The following PRH1 variants were observed in gnomAD, a reference collection of about 807,000 sequenced individuals.
The protein encoded by PRH1 is salivary acidic proline-rich phosphoprotein 1/2.
A neutral mutation model predicts 7.9 loss-of-function variants in PRH1; 7 were observed. The observed-to-expected ratio is 0.89, with a 90% CI of 0.50 to 1.67. The LOEUF (loss-of-function observed/expected upper bound fraction) is 1.67, where lower values mean the gene tolerates loss of function less well. PRH1 is among the 40% of genes most tolerant of loss of function. The pLI, the probability that PRH1 is intolerant of heterozygous loss-of-function variation, is 0.00. For synonymous variants in PRH1, 45 were observed against 80.8 expected (o/e 0.56, Z 2.38); for missense variants, 109 against 223.6 (o/e 0.49, Z 3.27).
At chr12:10,958,106 G>T (rs1186315478) in intron 2 of PRH1, among the ~76,000 whole-genome samples, 1 of 152,124 alleles carries the variant, frequency 6.6e-6, no homozygotes, top group South Asian at 2.1e-4. Context: ...AAAGACACAT[G>T]CATGAAAATA....
intron 1 of PRH1, among the ~76,000 whole-genome samples, chr12:11,035,346 CTATT>C (rs1436396632): frequency 6.6e-6 from 1 of 152,200 alleles, no homozygotes; most frequent in Non-Finnish European, 1.5e-5. Flanking sequence ...TATTTTCTAT[CTATT>C]CGTCTCTTTA....
At chr12:11,021,397 T>C (rs549148712) in intron 1 of PRH1, among the ~76,000 whole-genome samples, 1 of 152,336 alleles carries the variant, frequency 6.6e-6, no homozygotes. Flanking sequence ...TACTATACAA[T>C]GAACTATAAT....
intron 1 of PRH1, among the ~76,000 whole-genome samples, chr12:11,086,039 C>G (rs1472340527): frequency 1.4e-5 from 2 of 138,114 alleles, no homozygotes; most frequent in African/African-American, 5.2e-5. Context: ...TCCTTAAAAT[C>G]TGGTTGCTGT....
intron 2 of PRH1, among the ~76,000 whole-genome samples, chr12:10,971,926 T>C (rs1035240810): frequency 5.3e-5 from 8 of 152,326 alleles, no homozygotes; most frequent in Non-Finnish European, 7.4e-5. Flanking sequence ...CACTTATTCG[T>C]ATTCTATTAT....
intron 1 of PRH1, among the ~76,000 whole-genome samples, chr12:11,088,057 C>A (rs1216400778): frequency 7.8e-6 from 1 of 127,562 alleles, no homozygotes; most frequent in African/African-American, 2.7e-5. Flanking sequence ...AATAATATTA[C>A]AGACCAGGCC....
chr12:10,922,825 C>CTTTTCTTTTTTTTTTT (rs1555107576), intron 2 of PRH1, among the ~76,000 whole-genome samples: 2 of 113,550 alleles, frequency 1.8e-5, no homozygotes, highest in Admixed American at 1.1e-4. Flanking sequence ...TGAATTTTTT[C>CTTTTCTTTTTTTTTTT]TTTTTCTTTT....
chr12:11,107,660 C>A (rs968879885), intron 1 of PRH1, among the ~76,000 whole-genome samples: 1 of 152,154 alleles, frequency 6.6e-6, no homozygotes, highest in South Asian at 2.1e-4. Flanking sequence ...CAAAGCTGCA[C>A]GAATCAGGAT....
At chr12:10,908,095 ATTAACAT>A (rs1177780198) in intron 2 of PRH1, 1 of 317,372 alleles carries the variant, frequency 3.2e-6, no homozygotes, top group Non-Finnish European at 5.7e-6. Flanking sequence ...TAGATTTACA[ATTAACAT>A]CTAAGTATGC....
At chr12:10,904,238 GA>G (rs1389449948) in intron 2 of PRH1, among the ~76,000 whole-genome samples, 1 of 150,560 alleles carries the variant, frequency 6.6e-6, no homozygotes, top group African/African-American at 2.4e-5. Flanking sequence ...TAAGCAAAAA[GA>G]AAAAAGCCAG....
chr12:11,136,809 C>A (rs1296892118), intron 1 of PRH1, among the ~76,000 whole-genome samples: 1 of 152,066 alleles, frequency 6.6e-6, no homozygotes, highest in Non-Finnish European at 1.5e-5. Flanking sequence ...GCAGGAGCAC[C>A]CAGGAGTTCA....
intron 2 of PRH1, among the ~76,000 whole-genome samples, chr12:10,911,439 AAGAGAAT>A (rs1315313112): frequency 6.6e-6 from 1 of 152,214 alleles, no homozygotes; most frequent in Non-Finnish European, 1.5e-5. Flanking sequence ...CTATAAGAGA[AAGAGAAT>A]AGATGCTAGG....
At chr12:10,982,822 C>G (rs1412594785) in intron 1 of PRH1, among the ~76,000 whole-genome samples, 1 of 151,556 alleles carries the variant, frequency 6.6e-6, no homozygotes, top group Non-Finnish European at 1.5e-5. Context: ...GCTTCTGGTC[C>G]TTTTGTCAAA....
At chr12:10,967,439 C>T (rs80286577) in intron 2 of PRH1, among the ~76,000 whole-genome samples, 3 of 152,178 alleles carry the variant, frequency 2.0e-5, no homozygotes, top group South Asian at 2.1e-4. Flanking sequence ...TAAGGCAAGA[C>T]GTGGAACATT....
chr12:11,037,823 T>C (rs1278334493), intron 1 of PRH1, among the ~76,000 whole-genome samples: 7 of 152,206 alleles, frequency 4.6e-5, no homozygotes, highest in Non-Finnish European at 8.8e-5. Context: ...GTGGATTGCC[T>C]GAGCACAAGA....
chr12:11,016,228 T>A (rs1941287120), intron 1 of PRH1, among the ~76,000 whole-genome samples: 1 of 148,860 alleles, frequency 6.7e-6, no homozygotes, highest in Non-Finnish European at 1.5e-5. Flanking sequence ...TTGCTCAGTA[T>A]CCCTCCTTAC....
chr12:11,066,415 T>C (rs1458003767), intron 1 of PRH1, among the ~76,000 whole-genome samples: 23 of 152,122 alleles, frequency 1.5e-4, no homozygotes, highest in Admixed American at 1.2e-3. Context: ...GTGATCATAA[T>C]GAAACAAAGA....
chr12:11,026,632 G>A (rs1047522143), intron 1 of PRH1, among the ~76,000 whole-genome samples: 4 of 151,952 alleles, frequency 2.6e-5, no homozygotes, highest in African/African-American at 7.3e-5. Context: ...AAAGTTACAG[G>A]GGATGGTAGT....
chr12:10,937,570 T>C, intron 2 of PRH1: 1 of 152,174 alleles, frequency 6.6e-6, no homozygotes, highest in Non-Finnish European at 1.5e-5. Context: ...AAGACAGCAG[T>C]TACGATCAGG....
intron 1 of PRH1, among the ~76,000 whole-genome samples, chr12:11,145,193 T>G (rs1012044206): frequency 1.5e-4 from 23 of 152,184 alleles, no homozygotes; most frequent in Non-Finnish European, 8.8e-5. Flanking sequence ...TTTTGTTTTT[T>G]GTTTTTGGTT....
Sources: gnomAD v4.1 joint callset for allele counts (sites outside exome capture counted in the v4.1 genomes callset) on GRCh38, gnomAD v4.1.1 for gene constraint, MANE v1.5 for transcripts, NCBI Gene and HGNC (gene_info 2026-07-23, HGNC 2026-07-21) for gene names.